Variants in HDAC4 observed in about 807,000 individuals in gnomAD.
HDAC4 encodes the protein histone deacetylase 4.
In HDAC4, 16 loss-of-function variants were observed where a neutral mutation model predicts 135.1. The ratio of observed to expected loss-of-function variants is 0.12; its 90% CI spans 0.08 to 0.18. HDAC4 has a LOEUF of 0.18. Ranked by LOEUF, HDAC4 falls within the 10% of genes least tolerant of loss-of-function variation. The pLI is 1.00. For missense variants in HDAC4, 1,143 were observed against 1,511.8 expected, an observed-to-expected ratio of 0.76 and a Z score of 4.05; for synonymous variants, 685 against 653.4, an observed-to-expected ratio of 1.05 and a Z score of -0.74.
chr2:239,317,798 T>C (rs1405531123), intron 2 of HDAC4, among the ~76,000 whole-genome samples: 1 of 152,194 alleles, frequency 6.6e-6, no homozygotes, highest in Non-Finnish European at 1.5e-5. Context: ...CCTCAAGCAA[T>C]GCCAGTCGTT....
At chr2:239,260,398 G>A (rs76756272) in intron 2 of HDAC4, among the ~76,000 whole-genome samples, 15 of 152,106 alleles carry the variant, frequency 9.9e-5, no homozygotes, top group African/African-American at 3.4e-4. Flanking sequence ...TGGATCTCAG[G>A]GTGCTGATAC....
At chr2:239,357,793 G>A (rs560184387) in intron 1 of HDAC4, among the ~76,000 whole-genome samples, 1 of 151,188 alleles carries the variant, frequency 6.6e-6, no homozygotes, top group African/African-American at 2.4e-5. Flanking sequence ...GGAGGCTGAG[G>A]TGGGAGGATC....
intron 3 of HDAC4, among the ~76,000 whole-genome samples, chr2:239,231,454 T>C (rs1364776125): frequency 2.6e-5 from 2 of 76,144 alleles, no homozygotes; most frequent in Non-Finnish European, 7.8e-5. Context: ...GCTTTCCTTC[T>C]GTAGGAGCAG....
In HDAC4 at chr2:239,049,259, C is replaced by T. The variant is rs1231907278; in HGVS notation, c.*3838G>A. 3 of 152,638 alleles carry T rather than the reference C, an allele frequency of 2.0e-5. No homozygotes were observed. Among genetic ancestry groups the T allele is most frequent in the East Asian group, 1.9e-4 (1 of 5,192 alleles). The allele number at this position is 152,638 out of a possible 1,614,324, so 9.5% of individuals were successfully genotyped here. ...AAGTTCAATAAGACGCAAACTTCCCCGCCCTCCTCTCCTTCAAGGTTTTGT... is the reference window on the plus strand; with the variant it reads ...AAGTTCAATAAGACGCAAACTTCCCTGCCCTCCTCTCCTTCAAGGTTTTGT... On this transcript the variant is annotated 3_prime_UTR_variant, in exon 27 of 27. Transcript: ENST00000543185.
At chr2:239,395,500 G>C (rs536389779) in intron 1 of HDAC4, among the ~76,000 whole-genome samples, 1 of 152,166 alleles carries the variant, frequency 6.6e-6, no homozygotes, top group Non-Finnish European at 1.5e-5. Flanking sequence ...GACTTAAAGA[G>C]TACTTTTCTT....
At chr2:239,144,079 G>A (rs1000107087) in intron 8 of HDAC4, among the ~76,000 whole-genome samples, 3 of 152,154 alleles carry the variant, frequency 2.0e-5, no homozygotes, top group Non-Finnish European at 2.9e-5. Context: ...GGGGCCAACC[G>A]TGACACGTCA....
chr2:239,206,158 T>C (rs1219767738), intron 3 of HDAC4, among the ~76,000 whole-genome samples: 2 of 151,998 alleles, frequency 1.3e-5, no homozygotes, highest in Admixed American at 6.6e-5. Flanking sequence ...CAAAACCCCA[T>C]CTCTACAAAA....
intron 2 of HDAC4, among the ~76,000 whole-genome samples, chr2:239,347,793 G>A (rs1250345176): frequency 6.6e-6 from 1 of 152,152 alleles, no homozygotes; most frequent in Non-Finnish European, 1.5e-5. Context: ...AGGATTACAG[G>A]TTTGAGCCAC....
At chr2:239,233,024 G>A (rs1414374477) in intron 3 of HDAC4, among the ~76,000 whole-genome samples, 1 of 152,238 alleles carries the variant, frequency 6.6e-6, no homozygotes, top group African/African-American at 2.4e-5. Flanking sequence ...GCAAAGCCAC[G>A]TCCACAACTG....
chr2:239,065,473 C>G (rs554967082), intron 24 of HDAC4, among the ~76,000 whole-genome samples: 3 of 152,326 alleles, frequency 2.0e-5, no homozygotes, highest in African/African-American at 7.2e-5. Flanking sequence ...AATGAGGATG[C>G]TGCTTCCAGA....
At chr2:239,181,669 C>G (rs551722530) in intron 4 of HDAC4, among the ~76,000 whole-genome samples, 2 of 152,330 alleles carry the variant, frequency 1.3e-5, no homozygotes, top group South Asian at 4.1e-4. Flanking sequence ...GAGGGCAGTG[C>G]CCAGGCCAGG....
rs775850924 is a variant in HDAC4, at chr2:239,108,178, C to T, written c.1984G>A (p.Val662Met). 2.7e-5 allele frequency: 43 copies of T among 1,600,802 alleles called. No individual in the cohort carries two copies. Among genetic ancestry groups the T allele is most frequent in the East Asian group, 2.5e-4 (11 of 44,226 alleles). Residue 662 changes from valine to methionine, a missense_variant, in exon 15 of 27, where the codon GTG (valine) becomes ATG (methionine). Around this residue, in one of 9 missense-constraint regions of HDAC4, gnomAD observed 47 missense variants for 117.2 expected, o/e 0.40. Coordinates refer to ENST00000543185, the MANE Select transcript of HDAC4 (RefSeq NM_001378414.1). ...PTKPRFTTGL[V>M]YDTLMLKHQC... ...TGCTTCAGCATCAGCGTGTCATACA[C>T]GAGGCCTGGGGCGGGGCAGAGGGGC...
intron 2 of HDAC4, among the ~76,000 whole-genome samples, chr2:239,257,262 G>C (rs535250156): frequency 6.6e-6 from 1 of 151,512 alleles, no homozygotes; most frequent in Non-Finnish European, 1.5e-5. Context: ...GAAAAAAGGT[G>C]AAATAGGCCA....
At chr2:239,165,738 T>C (rs1458311298) in intron 5 of HDAC4, among the ~76,000 whole-genome samples, 1 of 152,238 alleles carries the variant, frequency 6.6e-6, no homozygotes. Flanking sequence ...TCCGTGTGTG[T>C]GTGCATTTAC....
chr2:239,212,043 C>G (rs549639), intron 3 of HDAC4, among the ~76,000 whole-genome samples: 82,066 of 152,074 alleles, frequency 0.54, 23,288 homozygotes, highest in South Asian at 0.72. Context: ...GAAAAATGCT[C>G]TTGAAGACTT....
intron 2 of HDAC4, among the ~76,000 whole-genome samples, chr2:239,264,733 G>C (rs547639277): frequency 1.4e-4 from 21 of 152,272 alleles, no homozygotes; most frequent in Admixed American, 3.9e-4. Flanking sequence ...AGCATTTCTT[G>C]GGGGGAGGCT....
At chr2:239,365,537 G>C (rs1156817414) in intron 1 of HDAC4, among the ~76,000 whole-genome samples, 6 of 152,124 alleles carry the variant, frequency 3.9e-5, no homozygotes. Context: ...GGCCATGGGA[G>C]CCAGCAAGGC....
At chr2:239,320,409 A>AAATC (rs1334877672) in intron 2 of HDAC4, among the ~76,000 whole-genome samples, 1 of 44,360 alleles carries the variant, frequency 2.3e-5, no homozygotes, top group Admixed American at 2.8e-4. Context: ...AAAAAGTGAT[A>AAATC]AATCAAACAA....
intron 16 of HDAC4, among the ~76,000 whole-genome samples, chr2:239,096,861 G>A (rs1351426830): frequency 2.0e-5 from 3 of 152,082 alleles, no homozygotes; most frequent in Non-Finnish European, 4.4e-5. Flanking sequence ...GGAGGTCACA[G>A]ATCTGCATCA....
Sources: gnomAD v4.1 joint callset for allele counts (sites outside exome capture counted in the v4.1 genomes callset) on GRCh38, gnomAD v4.1.1 for gene constraint, gnomAD v4.1.1 regional missense constraint, MANE v1.5 for transcripts, NCBI Gene and HGNC (gene_info 2026-07-23, HGNC 2026-07-21) for gene names.